GPATCH8: variants seen among roughly 807,000 people sequenced by gnomAD.
GPATCH8 encodes G patch domain-containing protein 8.
In GPATCH8, 18 loss-of-function variants were observed where a neutral mutation model predicts 118.3. The observed-to-expected ratio is 0.15, with a 90% CI of 0.11 to 0.23. The LOEUF is 0.23. Ranked by LOEUF, GPATCH8 falls within the 10% of genes least tolerant of loss-of-function variation. The probability of loss-of-function intolerance (pLI) is 1.00; values close to 1 mark genes in which losing one functional copy is unlikely to be tolerated. For synonymous variants in GPATCH8, 659 were observed against 684.7 expected, an observed-to-expected ratio of 0.96 and a Z score of 0.59; for missense variants, 1,631 against 1,873.8, an observed-to-expected ratio of 0.87 and a Z score of 2.39.
chr17:44,431,934 T>TA (rs373706629), intron 5 of GPATCH8, among the ~76,000 whole-genome samples: 1 of 151,812 alleles, frequency 6.6e-6, no homozygotes, highest in African/African-American at 2.4e-5. Flanking sequence ...TCTATAAAAT[T>TA]AGAGATGAGA....
intron 5 of GPATCH8, among the ~76,000 whole-genome samples, chr17:44,433,143 C>T (rs115748138): frequency 6.6e-6 from 1 of 151,954 alleles, no homozygotes; most frequent in Non-Finnish European, 1.5e-5. Context: ...AATTCTATTA[C>T]CAGGGAGAGA....
intron 1 of GPATCH8, among the ~76,000 whole-genome samples, chr17:44,484,496 A>C (rs551964434): frequency 2.6e-4 from 39 of 152,302 alleles, no homozygotes; most frequent in African/African-American, 9.1e-4. Flanking sequence ...GGCTACAAAA[A>C]ACACGGGCAA....
intron 1 of GPATCH8, chr17:44,486,615 C>A (rs1968804152): frequency 6.6e-6 from 1 of 151,984 alleles, no homozygotes; most frequent in Non-Finnish European, 1.5e-5. Flanking sequence ...ATTGTGGCCC[C>A]CTTTATTAAA....
At chr17:44,423,774 G>A (rs1356518829) in intron 6 of GPATCH8, among the ~76,000 whole-genome samples, 2 of 152,124 alleles carry the variant, frequency 1.3e-5, no homozygotes, top group Non-Finnish European at 2.9e-5. Context: ...CGGCGGGGGA[G>A]GGGGCAAAGA....
chr17:44,454,174 T>C (rs2051240585), intron 3 of GPATCH8, among the ~76,000 whole-genome samples: 1 of 152,168 alleles, frequency 6.6e-6, no homozygotes, highest in Admixed American at 6.5e-5. Flanking sequence ...GAAAAGGTCT[T>C]GCTCTGTTGC....
chr17:44,405,231 G>T (rs556231246), intron 7 of GPATCH8, among the ~76,000 whole-genome samples: 2 of 146,336 alleles, frequency 1.4e-5, no homozygotes, highest in Non-Finnish European at 3.0e-5. Context: ...TTTTTGAGAC[G>T]GAGTTTCACT....
rs571091419 is a variant in GPATCH8 at position 44,503,293 on chromosome 17, C to T, written c.45+33G>A. 52 of 1,589,626 alleles carry T rather than the reference C, an allele frequency of 3.3e-5. 3 individuals carry two copies. The South Asian group carries it at 5.8e-4, about 18-fold the overall frequency. ...AGGAGGTTCTGGGCTAGACCAGCGC[C>T]TTCCCCGCATCCTCGGCGACGCCCG... On this transcript the variant is annotated intron_variant, in intron 1 of 7. Coordinates refer to ENST00000591680, the MANE Select transcript of GPATCH8 (RefSeq NM_001002909.4).
At chr17:44,478,117 A>G (rs9891016) in intron 1 of GPATCH8, among the ~76,000 whole-genome samples, 98,197 of 152,150 alleles carry the variant, frequency 0.65, 31,841 homozygotes, top group Middle Eastern at 0.68. Flanking sequence ...TGAGCCACCA[A>G]GCGCAGCCTG....
At chr17:44,430,636 C>T (rs1272462756) in intron 5 of GPATCH8, among the ~76,000 whole-genome samples, 1 of 150,930 alleles carries the variant, frequency 6.6e-6, no homozygotes, top group Non-Finnish European at 1.5e-5. Flanking sequence ...CAGGAATGTT[C>T]ACTGTTGCAT....
At chr17:44,425,261 C>G (rs1598456193) in intron 5 of GPATCH8, among the ~76,000 whole-genome samples, 2 of 152,138 alleles carry the variant, frequency 1.3e-5, no homozygotes, top group Admixed American at 1.3e-4. Flanking sequence ...AGATGCATTA[C>G]TTTCATAATG....
rs140497485 is a variant in GPATCH8 at position 44,398,604 on chromosome 17, T to C, written c.3473A>G (p.Asn1158Ser). 1.1e-4 allele frequency: 172 copies of C among 1,550,192 alleles called. No homozygotes were observed. In the African/African-American group the frequency reaches 2.1e-3, roughly 19 times the overall value. The change falls in exon 8 of 8, where the codon AAT becomes AGT. Residue 1158 changes from asparagine to serine, a missense_variant. Physicochemically the swap from Asn to Ser is conservative, Grantham distance 46. Around this residue, in one of 8 missense-constraint regions of GPATCH8, gnomAD observed 922 missense variants for 879.7 expected, o/e 1.05. Transcript: ENST00000591680. ...IGKLPATRKP[N>S]KKCEESGLER... ...CAAGCCAGACTCTTCACACTTCTTA[T>C]TGGGCTTTCGGGTAGCTGGGAGCTT...
rs750243985 is a variant in GPATCH8, at chr17:44,400,467, A to T, written c.1610T>A (p.Phe537Tyr). The T allele has an allele frequency of 1.2e-6, 2 of 1,614,166 alleles. No individual in the cohort carries two copies. The highest frequency in any genetic ancestry group is 1.7e-6 in the Non-Finnish European group (2 of 1,179,976). Residue 537 changes from phenylalanine to tyrosine, a missense_variant, in exon 8 of 8, where the codon TTC becomes TAC. Physicochemically the swap from Phe to Tyr is conservative, Grantham distance 22. This residue lies in a region of GPATCH8 where 405 missense variants were observed against 462.7 expected (regional missense o/e 0.88). Coordinates refer to ENST00000591680, the MANE Select transcript of GPATCH8 (RefSeq NM_001002909.4). ...TTCATCTTTGCTCAAAACTGGGAAGAAGGGACCAGTAGGATGTTTGGGTCC... is the reference window on the plus strand; with the variant it reads ...TTCATCTTTGCTCAAAACTGGGAAGTAGGGACCAGTAGGATGTTTGGGTCC... The part of the protein sequence containing the change: ...QEGPKHPTGP[F>Y]FPVLSKDEST...
Position 44,395,650 on chromosome 17 carries a change from T to C in GPATCH8, c.*1918A>G, listed in dbSNP as rs182637174. 1 of 454,054 alleles carries C rather than the reference T, an allele frequency of 2.2e-6. No homozygotes were observed. The highest frequency in any genetic ancestry group is 2.3e-5 in the Admixed American group (1 of 42,560). 28.1% of individuals were successfully genotyped at this position (454,054 alleles called of 1,614,324 possible). ...CTGAATCAGATGAGTACTGAACAGG[T>C]AGGAGGGTGGGAGGGCAGTCAAGAG... On this transcript the variant is annotated 3_prime_UTR_variant, in exon 8 of 8. Transcript: ENST00000591680.
intron 1 of GPATCH8, among the ~76,000 whole-genome samples, chr17:44,480,147 G>A (rs1022798758): frequency 2.6e-5 from 4 of 151,978 alleles, no homozygotes; most frequent in African/African-American, 9.7e-5. Context: ...TTTTAAAGTG[G>A]GCATAAGATT....
intron 3 of GPATCH8, among the ~76,000 whole-genome samples, chr17:44,448,619 C>A (rs1400663460): frequency 1.3e-5 from 2 of 150,252 alleles, no homozygotes; most frequent in African/African-American, 2.5e-5. Flanking sequence ...TCACTATATA[C>A]CCTTTTGCTC....
In GPATCH8 at chr17:44,406,072, A is replaced by G. The variant is rs757067275; in HGVS notation, c.493-21T>C. On this transcript the variant is annotated intron_variant, in intron 6 of 7. Transcript: ENST00000591680. ...AATCTCTGGGTTAAAAGAAAGAAAGATACAGAGGGTGGATGATTTACAGTA... is the reference window on the plus strand; with the variant it reads ...AATCTCTGGGTTAAAAGAAAGAAAGGTACAGAGGGTGGATGATTTACAGTA... The G allele has an allele frequency of 2.5e-6, 4 of 1,583,558 alleles. No homozygotes were observed. The East Asian group carries it at 9.0e-5, about 35-fold the overall frequency.
intron 3 of GPATCH8, among the ~76,000 whole-genome samples, chr17:44,442,349 TAAGCA>T (rs200993546): frequency 0.02 from 3,019 of 152,142 alleles, 107 homozygotes; most frequent in African/African-American, 0.069. Context: ...AGCTAATGCA[TAAGCA>T]GTTAAAAAAG....
At chr17:44,450,395 ACACT>A (rs1160927708) in intron 3 of GPATCH8, among the ~76,000 whole-genome samples, 2 of 152,168 alleles carry the variant, frequency 1.3e-5, no homozygotes, top group African/African-American at 2.4e-5. Context: ...CTATTGTCTC[ACACT>A]CACTCAATTT....
rs544887198 is a variant in GPATCH8 at position 44,477,934 on chromosome 17, G to A, written c.46-3031C>T. 2.8e-4 allele frequency among the ~76,000 whole-genome samples: 43 copies of A among 150,958 alleles called. No homozygotes were observed. The South Asian group carries it at 3.4e-3, about 12-fold the overall frequency. ...AAGGGATTCTCCCGCCTCAGCCTCC[G>A]GAGTAGCTGGGATTACAGGCACACG... On this transcript the variant is annotated intron_variant, in intron 1 of 7. Transcript: ENST00000591680.
Sources: allele counts gnomAD v4.1 joint callset (sites outside exome capture counted in the v4.1 genomes callset), GRCh38; gene constraint gnomAD v4.1.1; regional missense constraint gnomAD v4.1.1; transcripts MANE v1.5; gene names NCBI Gene and HGNC (gene_info 2026-07-23, HGNC 2026-07-21).